The following EPB41 variants were observed in gnomAD, a reference collection of about 807,000 sequenced individuals.
The protein encoded by EPB41 is protein 4.1.
Under a neutral mutation model 108.0 loss-of-function variants are expected in EPB41, and 65 were observed. That is an observed-to-expected ratio of 0.60 (90% confidence interval 0.49 to 0.74). EPB41 has a LOEUF of 0.74. EPB41 is among the 30% of genes least tolerant of loss of function. The pLI, the probability that EPB41 is intolerant of heterozygous loss-of-function variation, is 0.00. For synonymous variants in EPB41, 336 were observed against 358.9 expected (o/e 0.94, Z 0.72); for missense variants, 875 against 1,037.0 (o/e 0.84, Z 2.15).
At chr1:29,082,758 G>C (rs576816553) in intron 16 of EPB41, among the ~76,000 whole-genome samples, 1 of 152,242 alleles carries the variant, frequency 6.6e-6, no homozygotes, top group South Asian at 2.1e-4. Context: ...GTCCTTGCTG[G>C]TGAGTGCAGT....
intron 1 of EPB41, among the ~76,000 whole-genome samples, chr1:28,888,687 T>C (rs2089746337): frequency 6.6e-6 from 1 of 152,176 alleles, no homozygotes; most frequent in South Asian, 2.1e-4. Context: ...GAGTGCAGTG[T>C]CGCGATCTCG....
chr1:29,110,877 C>T (rs933435891), intron 18 of EPB41, among the ~76,000 whole-genome samples: 1 of 152,112 alleles, frequency 6.6e-6, no homozygotes, highest in African/African-American at 2.4e-5. Flanking sequence ...AGATTTTTTT[C>T]CTCTTGAAAA....
intron 1 of EPB41, among the ~76,000 whole-genome samples, chr1:28,972,758 C>T (rs1557869432): frequency 7.4e-6 from 1 of 134,412 alleles, no homozygotes; most frequent in Non-Finnish European, 1.5e-5. Flanking sequence ...TGAAACTATG[C>T]TTGGCTAATT....
In EPB41 at chr1:29,115,682, GT is replaced by G; in HGVS notation, c.2497-14del. 6.2e-7 allele frequency: 1 copy of G among 1,610,638 alleles called. No individual in the cohort carries two copies. The highest frequency in any genetic ancestry group is 8.5e-7 in the Non-Finnish European group (1 of 1,177,128). On this transcript the variant is annotated splice_polypyrimidine_tract_variant and intron_variant, in intron 19 of 20. Transcript: ENST00000343067. The surrounding 1 kb of genome is among the most constrained non-coding windows in gnomAD (Gnocchi z 4.4). ...GGCTATTTTCTGCCTCATTGCCCTT[GT>G]TTCTGTCTTTTGTAGGTCCTTGTAC...
At chr1:28,917,710 A>G (rs1456657719) in intron 1 of EPB41, among the ~76,000 whole-genome samples, 3 of 151,576 alleles carry the variant, frequency 2.0e-5, no homozygotes, top group Non-Finnish European at 4.4e-5. Context: ...CCTCCTGAGC[A>G]GCTGGGACTA....
intron 1 of EPB41, among the ~76,000 whole-genome samples, chr1:28,928,085 C>G (rs2093552412): frequency 6.6e-6 from 1 of 151,940 alleles, no homozygotes; most frequent in South Asian, 2.1e-4. Flanking sequence ...TTACTAAAGG[C>G]TCAGAGATGA....
intron 17 of EPB41, among the ~76,000 whole-genome samples, chr1:29,108,866 T>G (rs1668162985): frequency 6.8e-6 from 1 of 146,970 alleles, no homozygotes; most frequent in Non-Finnish European, 1.5e-5. Context: ...CCAATTTATT[T>G]TATTTGTTAA....
intron 1 of EPB41, among the ~76,000 whole-genome samples, chr1:28,944,851 G>A (rs986640899): frequency 2.0e-4 from 30 of 151,468 alleles, no homozygotes; most frequent in African/African-American, 7.0e-4. Context: ...CACTTTGGGA[G>A]GCCGAGGTGG....
intron 7 of EPB41, among the ~76,000 whole-genome samples, chr1:29,024,440 T>G (rs546963947): frequency 6.6e-6 from 1 of 151,782 alleles, no homozygotes; most frequent in South Asian, 2.1e-4. Context: ...AAGACCAGCC[T>G]GGTCAAGATG....
chr1:29,114,958 A>G (rs1272546717), intron 19 of EPB41, among the ~76,000 whole-genome samples: 1 of 151,914 alleles, frequency 6.6e-6, no homozygotes, highest in Non-Finnish European at 1.5e-5. Flanking sequence ...TTTTTCTTGC[A>G]CACTTCTTTA....
intron 16 of EPB41, among the ~76,000 whole-genome samples, chr1:29,087,756 C>A (rs190911609): frequency 1.3e-5 from 2 of 152,262 alleles, no homozygotes; most frequent in East Asian, 3.9e-4. Context: ...TCTGATGATT[C>A]TGAGACATAA....
chr1:29,058,765 C>T (rs1645991741), intron 13 of EPB41, 46 bp from the exon 14 acceptor site: 1 of 1,532,470 alleles, frequency 6.5e-7, no homozygotes, highest in Non-Finnish European at 8.8e-7. Context: ...CTTCAATGAG[C>T]AACATTTTAT....
chr1:28,892,411 A>G (rs2147827047), intron 1 of EPB41, among the ~76,000 whole-genome samples: 1 of 152,272 alleles, frequency 6.6e-6, no homozygotes, highest in East Asian at 1.9e-4. Flanking sequence ...TTGCAGATGA[A>G]TAAATGAGGC....
chr1:29,017,770 A>T (rs2096595619), intron 6 of EPB41, among the ~76,000 whole-genome samples: 1 of 152,182 alleles, frequency 6.6e-6, no homozygotes. Flanking sequence ...GACACCGAGC[A>T]CGCTAAGCTT....
chr1:29,018,115 C>T lies in EPB41; in HGVS notation c.906-109C>T. On this transcript the variant is annotated intron_variant, in intron 6 of 20. Coordinates refer to ENST00000343067, the MANE Select transcript of EPB41 (RefSeq NM_001376013.1). The surrounding 1 kb of genome is among the most constrained non-coding windows in gnomAD (Gnocchi z 4.4). The stretch of plus-strand genomic sequence containing the variant: ...TTAATTGCTTTCTTTTCTTCTGTGT[C>T]CTTATTTTTTCTCTCTCTCCCTTTC... 1.1e-6 allele frequency: 1 copy of T among 944,020 alleles called. No homozygotes were observed. Among genetic ancestry groups the T allele is most frequent in the Non-Finnish European group, 1.7e-6 (1 of 601,938 alleles). 58.5% of individuals were successfully genotyped at this position (944,020 alleles called of 1,614,324 possible). A position where few individuals can be genotyped will look rare whatever the true frequency, so the allele number is the denominator to read the frequency against.
At chr1:29,011,747 A>G (rs977490745) in intron 4 of EPB41, 118 bp from the exon 5 acceptor site, 2 of 1,103,998 alleles carry the variant, frequency 1.8e-6, no homozygotes, top group East Asian at 2.4e-5. Flanking sequence ...AAGACTATCA[A>G]AGGAAATGCA....
At chr1:28,974,257 T>C (rs2095553223) in intron 1 of EPB41, among the ~76,000 whole-genome samples, 1 of 152,192 alleles carries the variant, frequency 6.6e-6, no homozygotes, top group South Asian at 2.1e-4. Context: ...GAGACTAAGT[T>C]TGTCTTTCTT....
chr1:29,060,460 C>G lies in EPB41; in HGVS notation c.1983C>G (p.Ile661Met). ...GACTAGATGGTGAAAACATTTATATCAGACATAGCAATTTAATGTTGGAGG... is the reference window on the plus strand; with the variant it reads ...GACTAGATGGTGAAAACATTTATATGAGACATAGCAATTTAATGTTGGAGG... The part of the protein sequence containing the change: ...RERLDGENIY[I>M]RHSNLMLEDL... The change falls in exon 15 of 21, where the codon ATC (isoleucine) becomes ATG (methionine). Residue 661 changes from isoleucine (I) to methionine (M), a missense_variant. Ile to Met is a conservative substitution (Grantham distance 10, BLOSUM62 1). Coordinates refer to ENST00000343067, the MANE Select transcript of EPB41 (RefSeq NM_001376013.1). 1.9e-6 allele frequency: 3 copies of G among 1,613,274 alleles called. No homozygotes were observed. The highest frequency in any genetic ancestry group is 2.5e-6 in the Non-Finnish European group (3 of 1,179,346).
intron 1 of EPB41, among the ~76,000 whole-genome samples, chr1:28,982,886 A>C (rs2095791297): frequency 6.6e-6 from 1 of 152,150 alleles, no homozygotes; most frequent in Non-Finnish European, 1.5e-5. Context: ...TTCTCAAATA[A>C]ATCCCCCTTA....
Sources: gnomAD v4.1 joint callset for allele counts (sites outside exome capture counted in the v4.1 genomes callset) on GRCh38, gnomAD v4.1.1 for gene constraint, Gnocchi (gnomAD v3.1) non-coding constraint, MANE v1.5 for transcripts, NCBI Gene and HGNC (gene_info 2026-07-23, HGNC 2026-07-21) for gene names.